Variants in CFAP299 observed in about 807,000 individuals in gnomAD.
CFAP299 encodes the protein cilia and flagella associated protein 299, also known as cilia- and flagella-associated protein 299.
In CFAP299, 21 loss-of-function variants were observed where a neutral mutation model predicts 27.0. That is an observed-to-expected ratio of 0.78 (90% CI 0.55 to 1.12). The LOEUF (loss-of-function observed/expected upper bound fraction) is 1.12, where lower values mean the gene tolerates loss of function less well. Among genes scored for constraint, CFAP299 ranks in the 50% most tolerant of loss-of-function variants. The pLI, the probability that CFAP299 is intolerant of heterozygous loss-of-function variation, is 0.00. For missense variants in CFAP299, 310 were observed against 276.6 expected (o/e 1.12, Z -0.86); for synonymous variants, 104 against 98.1 (o/e 1.06, Z -0.36).
At chr4:80,901,471 C>T (rs1162439483) in intron 4 of CFAP299, among the ~76,000 whole-genome samples, 1 of 152,104 alleles carries the variant, frequency 6.6e-6, no homozygotes, top group African/African-American at 2.4e-5. Flanking sequence ...TATTTTCTCT[C>T]ATGTCATCCA....
intron 3 of CFAP299, among the ~76,000 whole-genome samples, chr4:80,740,246 G>T (rs1724176586): frequency 6.6e-6 from 1 of 152,166 alleles, no homozygotes; most frequent in Non-Finnish European, 1.5e-5. Flanking sequence ...AAATTGAAAA[G>T]TTAGGTATTT....
intron 3 of CFAP299, among the ~76,000 whole-genome samples, chr4:80,845,071 G>T (rs1319964707): frequency 6.6e-6 from 1 of 152,150 alleles, no homozygotes; most frequent in African/African-American, 2.4e-5. Flanking sequence ...TTGTAGATAT[G>T]TGGCATTATT....
chr4:80,839,315 A>G (rs1364928343), intron 3 of CFAP299, among the ~76,000 whole-genome samples: 2 of 152,164 alleles, frequency 1.3e-5, no homozygotes, highest in Non-Finnish European at 2.9e-5. Flanking sequence ...TGTCTAGAAC[A>G]TTGTCTAGAA....
At chr4:80,488,791 C>G (rs939509235) in intron 2 of CFAP299, among the ~76,000 whole-genome samples, 1 of 152,168 alleles carries the variant, frequency 6.6e-6, no homozygotes, top group African/African-American at 2.4e-5. Flanking sequence ...CCACTCCTAA[C>G]TGAGTATGTT....
At chr4:80,458,826 G>T (rs1402109098) in intron 2 of CFAP299, among the ~76,000 whole-genome samples, 1 of 152,086 alleles carries the variant, frequency 6.6e-6, no homozygotes, top group Non-Finnish European at 1.5e-5. Flanking sequence ...TTTGTTCAGG[G>T]TCTTCAGTAT....
intron 3 of CFAP299, among the ~76,000 whole-genome samples, chr4:80,629,718 A>G (rs1039539532): frequency 6.6e-6 from 1 of 152,036 alleles, no homozygotes; most frequent in African/African-American, 2.4e-5. Context: ...GGTGTCTACT[A>G]AAAATACAAA....
intron 3 of CFAP299, among the ~76,000 whole-genome samples, chr4:80,778,224 T>C (rs1267639367): frequency 6.6e-6 from 1 of 152,178 alleles, no homozygotes; most frequent in Non-Finnish European, 1.5e-5. Flanking sequence ...TTCAAGACTT[T>C]CTAGCTGAAG....
At chr4:80,932,589 T>C (rs1333568432) in intron 4 of CFAP299, among the ~76,000 whole-genome samples, 1 of 152,164 alleles carries the variant, frequency 6.6e-6, no homozygotes, top group African/African-American at 2.4e-5. Flanking sequence ...CAATTCCACG[T>C]AATATAATTT....
At chr4:80,742,296 A>G (rs1724321576) in intron 3 of CFAP299, among the ~76,000 whole-genome samples, 1 of 152,182 alleles carries the variant, frequency 6.6e-6, no homozygotes, top group African/African-American at 2.4e-5. Context: ...CCTGTCTCCC[A>G]CCCCTTATTA....
rs1727669938 is a variant in CFAP299, at chr4:80,793,179, G to A, written c.334-76814G>A. Among the ~76,000 whole-genome samples the A allele has an allele frequency of 6.0e-5, 9 of 151,044 alleles. No homozygotes were observed. The Admixed American group carries it at 6.0e-4, about 10-fold the overall frequency. On this transcript the variant is annotated intron_variant, in intron 3 of 5. Coordinates refer to ENST00000358105, the MANE Select transcript of CFAP299 (RefSeq NM_152770.3). ...ACTTTATCACAAGGTCCCACAATAGGCTGTCTGCAAGCTGAGGAGCAAGGA... is the reference window on the plus strand; with the variant it reads ...ACTTTATCACAAGGTCCCACAATAGACTGTCTGCAAGCTGAGGAGCAAGGA...
chr4:80,963,316 C>CTT (rs1738436059), intron 5 of CFAP299, among the ~76,000 whole-genome samples: 1 of 151,954 alleles, frequency 6.6e-6, no homozygotes, highest in African/African-American at 2.4e-5. Flanking sequence ...TATCACAACC[C>CTT]AATCATAATT....
chr4:80,527,088 A>T (rs1733226905), intron 2 of CFAP299, among the ~76,000 whole-genome samples: 1 of 152,172 alleles, frequency 6.6e-6, no homozygotes, highest in Admixed American at 6.5e-5. Flanking sequence ...ACAAGTGCTT[A>T]ATAGAATGCC....
At chr4:80,714,014 A>AAT (rs369191910) in intron 3 of CFAP299, among the ~76,000 whole-genome samples, 197 of 151,358 alleles carry the variant, frequency 1.3e-3, no homozygotes, top group East Asian at 2.7e-3. Context: ...GAGATAGTGG[A>AAT]ATATATATAT....
At chr4:80,358,019 G>A (rs1317061249) in intron 1 of CFAP299, among the ~76,000 whole-genome samples, 1 of 152,088 alleles carries the variant, frequency 6.6e-6, no homozygotes, top group Non-Finnish European at 1.5e-5. Context: ...TTGTGTCCCA[G>A]AGATTCTAGC....
chr4:80,931,163 G>C (rs1006519281), intron 4 of CFAP299, among the ~76,000 whole-genome samples: 2 of 148,486 alleles, frequency 1.3e-5, no homozygotes, highest in African/African-American at 5.0e-5. Context: ...GAGTGAGTGA[G>C]TGAGTGAGTG....
chr4:80,782,713 C>CT (rs1262694303), intron 3 of CFAP299, among the ~76,000 whole-genome samples: 1 of 130,442 alleles, frequency 7.7e-6, no homozygotes, highest in Non-Finnish European at 1.6e-5. Flanking sequence ...ATATAATATA[C>CT]ATATATGAAT....
At chr4:80,629,109 C>T (rs1315162298) in intron 3 of CFAP299, among the ~76,000 whole-genome samples, 1 of 151,998 alleles carries the variant, frequency 6.6e-6, no homozygotes, top group Non-Finnish European at 1.5e-5. Flanking sequence ...AATGTGGACA[C>T]AATGGAATAC....
intron 3 of CFAP299, among the ~76,000 whole-genome samples, chr4:80,818,759 G>C (rs541151121): frequency 2.0e-5 from 3 of 152,128 alleles, no homozygotes; most frequent in Non-Finnish European, 4.4e-5. Context: ...ACTAAAAATA[G>C]TGAGTTGTCA....
At chr4:80,349,687 A>G (rs1228288162) in intron 1 of CFAP299, among the ~76,000 whole-genome samples, 2 of 152,214 alleles carry the variant, frequency 1.3e-5, no homozygotes, top group Non-Finnish European at 2.9e-5. Context: ...GATTATTTCT[A>G]TAGATGAAGA....
Sources: gnomAD v4.1 joint callset for allele counts (sites outside exome capture counted in the v4.1 genomes callset) on GRCh38, gnomAD v4.1.1 for gene constraint, MANE v1.5 for transcripts, NCBI Gene and HGNC (gene_info 2026-07-23, HGNC 2026-07-21) for gene names.